The following ARID1B variants were observed in gnomAD, a reference collection of about 807,000 sequenced individuals.
ARID1B encodes the protein AT-rich interactive domain-containing protein 1B.
Under a neutral mutation model 212.3 loss-of-function variants are expected in ARID1B, and 30 were observed. The ratio of observed to expected loss-of-function variants is 0.14; its 90% CI spans 0.11 to 0.19. ARID1B has a LOEUF of 0.19. Among genes scored for constraint, ARID1B ranks in the 10% least tolerant of loss-of-function variants. ARID1B has a pLI of 1.00. For missense variants in ARID1B, 2,891 were observed against 3,204.0 expected, an observed-to-expected ratio of 0.90 and a Z score of 2.36; for synonymous variants, 1,402 against 1,301.7, an observed-to-expected ratio of 1.08 and a Z score of -1.66.
intron 4 of ARID1B, among the ~76,000 whole-genome samples, chr6:157,004,761 C>CT (rs1347228893): frequency 6.6e-6 from 1 of 152,118 alleles, no homozygotes; most frequent in Non-Finnish European, 1.5e-5. Context: ...AAAGTACACA[C>CT]TTTGTACCAT....
intron 7 of ARID1B, among the ~76,000 whole-genome samples, chr6:157,136,880 A>C (rs1788951699): frequency 6.6e-6 from 1 of 151,756 alleles, no homozygotes; most frequent in South Asian, 2.1e-4. Context: ...CAACAACAAC[A>C]ACAAAAATAC....
intron 4 of ARID1B, among the ~76,000 whole-genome samples, chr6:157,056,852 C>CTT (rs140342301): frequency 1.3e-5 from 2 of 149,044 alleles, no homozygotes; most frequent in East Asian, 2.0e-4. Flanking sequence ...CTTTTTTTAA[C>CTT]TTTTTTTGTT....
rs2128398181 is a variant in ARID1B, at chr6:157,207,482, C to T, written c.6710C>T (p.Thr2237Ile). The change falls in exon 20 of 20, where the codon ACA becomes ATA. Residue 2237 changes from threonine (T) to isoleucine (I), a missense_variant. Thr to Ile is a moderately conservative substitution (Grantham distance 89). This residue lies in a region of ARID1B where 187 missense variants were observed against 306.5 expected (regional missense o/e 0.61). Transcript: ENST00000636930. The surrounding 1 kb of genome is among the most constrained non-coding windows in gnomAD (Gnocchi z 8.5). The stretch of plus-strand genomic sequence containing the variant: ...AGTCGTCAGGAGAAATTCTATGCTA[C>T]ATTAGTTAGGTACGTTGGGGATCGC... ...PFSRQEKFYA[T>I]LVRYVGDRKN... is the part of the protein sequence containing the mutation. The T allele has an allele frequency of 6.2e-7, 1 of 1,614,132 alleles. No individual in the cohort carries two copies. The highest frequency in any genetic ancestry group is 1.3e-5 in the African/African-American group (1 of 75,010).
chr6:157,026,679 A>T (rs181197100), intron 4 of ARID1B, among the ~76,000 whole-genome samples: 1 of 152,212 alleles, frequency 6.6e-6, no homozygotes, highest in East Asian at 1.9e-4. Context: ...TTTGTGCTAA[A>T]ATACCCTTTT....
At chr6:156,983,409 C>CA (rs1777738595) in intron 4 of ARID1B, among the ~76,000 whole-genome samples, 1 of 152,122 alleles carries the variant, frequency 6.6e-6, no homozygotes, top group Admixed American at 6.6e-5. Context: ...AACAAACAAA[C>CA]AACAAAAACA....
At chr6:156,818,394 T>C (rs1412406176) in intron 1 of ARID1B, among the ~76,000 whole-genome samples, 2 of 152,282 alleles carry the variant, frequency 1.3e-5, no homozygotes, top group East Asian at 3.9e-4. Flanking sequence ...AAGTTGTTTA[T>C]TTAAAATATT....
intron 2 of ARID1B, among the ~76,000 whole-genome samples, chr6:156,854,045 T>G (rs2128112741): frequency 6.6e-6 from 1 of 152,338 alleles, no homozygotes; most frequent in Non-Finnish European, 1.5e-5. Context: ...TCCATAAATT[T>G]TTGTGAGGTT....
chr6:157,196,475 T>C (rs1793737001), intron 16 of ARID1B, among the ~76,000 whole-genome samples, 160 bp downstream of exon 16: 1 of 151,998 alleles, frequency 6.6e-6, no homozygotes, highest in Admixed American at 6.6e-5. Flanking sequence ...ACCAGGTGAG[T>C]GTCAGGTGGC....
chr6:157,099,131 A>G (rs1347554369), intron 5 of ARID1B, among the ~76,000 whole-genome samples: 1 of 152,058 alleles, frequency 6.6e-6, no homozygotes, highest in Non-Finnish European at 1.5e-5. Context: ...GCATTTTTGT[A>G]GAGACAGGGT....
At chr6:157,028,283 C>A (rs764051753) in intron 4 of ARID1B, among the ~76,000 whole-genome samples, 1 of 152,066 alleles carries the variant, frequency 6.6e-6, no homozygotes, top group Non-Finnish European at 1.5e-5. Flanking sequence ...TTTTTATTTT[C>A]CTTCATCAAA....
intron 6 of ARID1B, among the ~76,000 whole-genome samples, chr6:157,120,482 A>G (rs755948958): frequency 6.6e-6 from 1 of 152,222 alleles, no homozygotes; most frequent in Non-Finnish European, 1.5e-5. Flanking sequence ...TGAACGGGCC[A>G]TTAGTTCCTG....
chr6:156,815,241 T>C (rs1311768224), intron 1 of ARID1B, among the ~76,000 whole-genome samples: 3 of 152,132 alleles, frequency 2.0e-5, no homozygotes, highest in Non-Finnish European at 2.9e-5. Flanking sequence ...TATCCAGACA[T>C]GTGTATATTT....
intron 2 of ARID1B, among the ~76,000 whole-genome samples, chr6:156,885,358 A>G (rs1257221912): frequency 6.6e-6 from 1 of 152,200 alleles, no homozygotes; most frequent in African/African-American, 2.4e-5. Flanking sequence ...TCATTTTATG[A>G]TTATTTATTG....
At chr6:156,984,134 G>A (rs916694512) in intron 4 of ARID1B, among the ~76,000 whole-genome samples, 2 of 152,142 alleles carry the variant, frequency 1.3e-5, no homozygotes, top group East Asian at 1.9e-4. Context: ...GCTGGAGTTC[G>A]GAGGGGATTC....
intron 6 of ARID1B, among the ~76,000 whole-genome samples, 158 bp from the exon 7 acceptor site, chr6:157,132,866 ACCGT>A (rs957035220): frequency 6.6e-6 from 1 of 152,196 alleles, no homozygotes; most frequent in Non-Finnish European, 1.5e-5. Context: ...CACCCTCCAG[ACCGT>A]CCACGCTGAA....
At chr6:157,186,143 A>G (rs1429687368) in intron 13 of ARID1B, 5 of 234,002 alleles carry the variant, frequency 2.1e-5, no homozygotes, top group Non-Finnish European at 4.3e-5. Flanking sequence ...GCACTTGTGT[A>G]TGGAGAATAG....
At chr6:156,925,152 C>T (rs1791118077) in intron 3 of ARID1B, among the ~76,000 whole-genome samples, 1 of 152,176 alleles carries the variant, frequency 6.6e-6, no homozygotes, top group South Asian at 2.1e-4. Flanking sequence ...TTGCTCTGTT[C>T]TTTTCTTCCA....
chr6:157,089,821 T>G (rs73017159), intron 5 of ARID1B, among the ~76,000 whole-genome samples: 10 of 152,312 alleles, frequency 6.6e-5, no homozygotes, highest in Non-Finnish European at 1.2e-4. Context: ...CAGGTACAGT[T>G]AATTCTGAAA....
intron 4 of ARID1B, among the ~76,000 whole-genome samples, chr6:156,952,697 G>A (rs2128308342): frequency 6.6e-6 from 1 of 152,308 alleles, no homozygotes; most frequent in East Asian, 1.9e-4. Flanking sequence ...GTTGAAAGAG[G>A]CAGCCGTGTC....
Sources: gnomAD v4.1 joint callset for allele counts (sites outside exome capture counted in the v4.1 genomes callset) on GRCh38, gnomAD v4.1.1 for gene constraint, gnomAD v4.1.1 regional missense constraint, Gnocchi (gnomAD v3.1) non-coding constraint, MANE v1.5 for transcripts, NCBI Gene and HGNC (gene_info 2026-07-23, HGNC 2026-07-21) for gene names.